LDB2: variants seen among roughly 807,000 people sequenced by gnomAD.
LDB2 encodes the protein LIM domain-binding protein 2.
Under a neutral mutation model 44.3 loss-of-function variants are expected in LDB2, and 12 were observed. The ratio of observed to expected loss-of-function variants is 0.27; its 90% CI spans 0.17 to 0.44. The LOEUF (loss-of-function observed/expected upper bound fraction) is 0.44, where lower values mean the gene tolerates loss of function less well. Among genes scored for constraint, LDB2 ranks in the 20% least tolerant of loss-of-function variants. The pLI, the probability that LDB2 is intolerant of heterozygous loss-of-function variation, is 1.00. For missense variants in LDB2, 344 were observed against 473.5 expected (o/e 0.73, Z 2.54); for synonymous variants, 164 against 174.8 (o/e 0.94, Z 0.49).
intron 1 of LDB2, among the ~76,000 whole-genome samples, chr4:16,817,750 T>C (rs948141341): frequency 6.6e-6 from 1 of 152,212 alleles, no homozygotes; most frequent in South Asian, 2.1e-4. Flanking sequence ...TATCTCCACT[T>C]TAAAGATGAG....
At chr4:16,552,100 C>A (rs533216535) in intron 5 of LDB2, among the ~76,000 whole-genome samples, 6 of 152,112 alleles carry the variant, frequency 3.9e-5, no homozygotes, top group Admixed American at 1.3e-4. Context: ...TTTGATTTGG[C>A]CTTTATCCTT....
chr4:16,725,599 C>A (rs149527540), intron 2 of LDB2, among the ~76,000 whole-genome samples: 1 of 152,040 alleles, frequency 6.6e-6, no homozygotes, highest in African/African-American at 2.4e-5. Flanking sequence ...TACTTAGAAC[C>A]GACCAGAGGA....
rs998591046 is a variant in LDB2, at chr4:16,582,756, C to T, written c.615+3166G>A. Among the ~76,000 whole-genome samples the T allele has an allele frequency of 6.6e-5, 10 of 152,150 alleles. No individual in the cohort carries two copies. The highest frequency in any genetic ancestry group is 2.2e-4 in the African/African-American group (9 of 41,448). ...AGGCAGCCTGTAGAGGAAGTGAGAC[C>T]GCACTGTGACAGGGCGCCATCTCTG... On this transcript the variant is annotated intron_variant, in intron 5 of 7. Coordinates refer to ENST00000304523, the MANE Select transcript of LDB2 (RefSeq NM_001290.5). The surrounding 1 kb of genome is among the most constrained non-coding windows in gnomAD (Gnocchi z 4.8).
chr4:16,577,333 G>T (rs1030820462), intron 5 of LDB2, among the ~76,000 whole-genome samples: 8 of 152,042 alleles, frequency 5.3e-5, no homozygotes, highest in Non-Finnish European at 1.0e-4. Context: ...AAAACTTAAA[G>T]ACTCCACCAA....
intron 1 of LDB2, among the ~76,000 whole-genome samples, chr4:16,760,654 T>A (rs1373858118): frequency 6.6e-6 from 1 of 152,044 alleles, no homozygotes; most frequent in Non-Finnish European, 1.5e-5. Flanking sequence ...AAGAGACTGG[T>A]CCCTACCCTC....
intron 2 of LDB2, among the ~76,000 whole-genome samples, chr4:16,701,751 T>A (rs1419939369): frequency 6.6e-6 from 1 of 152,184 alleles, no homozygotes; most frequent in East Asian, 1.9e-4. Context: ...CTAGTCCTGT[T>A]CTAACACTGA....
intron 5 of LDB2, among the ~76,000 whole-genome samples, chr4:16,576,446 A>G (rs1711633647): frequency 1.3e-5 from 2 of 152,212 alleles, no homozygotes; most frequent in African/African-American, 4.8e-5. Flanking sequence ...CTTAATAGCT[A>G]CTATGAGCAA....
intron 5 of LDB2, among the ~76,000 whole-genome samples, chr4:16,543,217 G>A (rs1169300455): frequency 3.9e-5 from 6 of 152,070 alleles, no homozygotes; most frequent in Non-Finnish European, 8.8e-5. Context: ...ATTGTGAATA[G>A]TGCCGCAATA....
chr4:16,644,043 TCACA>T (rs1226407645), intron 2 of LDB2, among the ~76,000 whole-genome samples: 2 of 152,218 alleles, frequency 1.3e-5, no homozygotes, highest in Non-Finnish European at 2.9e-5. Flanking sequence ...TGTCAATTGC[TCACA>T]CACAGTTTAT....
At chr4:16,796,143 C>A (rs1776683113) in intron 1 of LDB2, among the ~76,000 whole-genome samples, 1 of 151,886 alleles carries the variant, frequency 6.6e-6, no homozygotes, top group Non-Finnish European at 1.5e-5. Flanking sequence ...AAAAAATTAG[C>A]CCGTCATGGT....
rs561347777 is a variant in LDB2, at chr4:16,501,718, A to G, written c.*925T>C. The G allele has an allele frequency of 6.5e-6, 1 of 152,780 alleles. No individual in the cohort carries two copies. Among genetic ancestry groups the G allele is most frequent in the South Asian group, 2.1e-4 (1 of 4,826 alleles). 9.5% of individuals were successfully genotyped at this position (152,780 alleles called of 1,614,324 possible). On this transcript the variant is annotated 3_prime_UTR_variant, in exon 8 of 8. Transcript: ENST00000304523. ...TCACATAAATACACTGGAGTTGCCC[A>G]AAAACGAAAAGTCCCCATAAAAGAA... is the stretch of plus-strand genomic sequence containing the variant.
intron 1 of LDB2, among the ~76,000 whole-genome samples, chr4:16,831,176 T>TC (rs1407776708): frequency 1.3e-5 from 1 of 75,516 alleles, no homozygotes; most frequent in Non-Finnish European, 3.1e-5. Context: ...TCTCTGAGCT[T>TC]TTTTTTTTTT....
intron 2 of LDB2, among the ~76,000 whole-genome samples, chr4:16,686,448 G>A (rs1199976256): frequency 6.6e-6 from 1 of 152,220 alleles, no homozygotes; most frequent in Non-Finnish European, 1.5e-5. Context: ...AAACATGCAA[G>A]GAAAGACTAC....
At chr4:16,528,876 A>G (rs995731942) in intron 5 of LDB2, among the ~76,000 whole-genome samples, 2 of 152,178 alleles carry the variant, frequency 1.3e-5, no homozygotes, top group African/African-American at 4.8e-5. Flanking sequence ...AGCAAGAGAG[A>G]CACGTGTCAT....
rs894595016 is a variant in LDB2, at chr4:16,618,896, G to C, written c.236-23021C>G. ...CAGTTCTCACGAGAGATCTGGTTAA[G>C]AGTGTGGTCAGTTCTCACGAGAGAT... On this transcript the variant is annotated intron_variant, in intron 2 of 7. Transcript: ENST00000304523. Among the ~76,000 whole-genome samples, 4 of 152,132 alleles carry C rather than the reference G, an allele frequency of 2.6e-5. No homozygotes were observed. In the East Asian group the frequency reaches 7.7e-4, roughly 29 times the overall value.
intron 5 of LDB2, among the ~76,000 whole-genome samples, chr4:16,513,715 A>G (rs1722637708): frequency 6.6e-6 from 1 of 152,170 alleles, no homozygotes; most frequent in Non-Finnish European, 1.5e-5. Flanking sequence ...GGGGCTCAGA[A>G]AATGATACCC....
At chr4:16,893,649 T>C (rs1478885698) in intron 1 of LDB2, among the ~76,000 whole-genome samples, 1 of 152,162 alleles carries the variant, frequency 6.6e-6, no homozygotes, top group African/African-American at 2.4e-5. Context: ...TGTAATTCTA[T>C]AAAATCCTTG....
chr4:16,865,576 G>A (rs1045677669), intron 1 of LDB2, among the ~76,000 whole-genome samples: 1 of 152,134 alleles, frequency 6.6e-6, no homozygotes, highest in Non-Finnish European at 1.5e-5. Context: ...TCTGGTAAAT[G>A]TGTCCATGTC....
At chr4:16,788,853 G>A (rs1466865452) in intron 1 of LDB2, among the ~76,000 whole-genome samples, 1 of 152,150 alleles carries the variant, frequency 6.6e-6, no homozygotes, top group Admixed American at 6.5e-5. Flanking sequence ...GGGTACTACT[G>A]TGCAATTAAC....
Sources: gnomAD v4.1 joint callset for allele counts (sites outside exome capture counted in the v4.1 genomes callset) on GRCh38, gnomAD v4.1.1 for gene constraint, Gnocchi (gnomAD v3.1) non-coding constraint, MANE v1.5 for transcripts, NCBI Gene and HGNC (gene_info 2026-07-23, HGNC 2026-07-21) for gene names.